Variants in TRPM3 observed in about 807,000 individuals in gnomAD.
TRPM3 encodes the protein transient receptor potential cation channel subfamily M member 3.
In TRPM3, 77 loss-of-function variants were observed where a neutral mutation model predicts 181.2. The observed-to-expected ratio is 0.42, with a 90% CI of 0.35 to 0.51. TRPM3 has a LOEUF of 0.51. Ranked by LOEUF, TRPM3 falls within the 20% of genes least tolerant of loss-of-function variation. The pLI, the probability that TRPM3 is intolerant of heterozygous loss-of-function variation, is 0.01. For synonymous variants in TRPM3, 745 were observed against 796.4 expected, an observed-to-expected ratio of 0.94 and a Z score of 1.09; for missense variants, 1,759 against 2,196.7, an observed-to-expected ratio of 0.80 and a Z score of 3.98.
intron 25 of TRPM3, among the ~76,000 whole-genome samples, chr9:70,547,999 C>T (rs1454277680): frequency 6.6e-6 from 1 of 152,172 alleles, no homozygotes; most frequent in African/African-American, 2.4e-5. Context: ...GGAGGCAAAG[C>T]CTTCCTTGCA....
chr9:70,606,624 T>TTTAA (rs2061174868), intron 19 of TRPM3, among the ~76,000 whole-genome samples: 1 of 131,056 alleles, frequency 7.6e-6, no homozygotes, highest in East Asian at 2.3e-4. Context: ...CATGACATGC[T>TTTAA]TTAATTGTGT....
intron 1 of TRPM3, among the ~76,000 whole-genome samples, chr9:71,153,158 T>C (rs368193546): frequency 8.5e-5 from 13 of 152,154 alleles, no homozygotes; most frequent in African/African-American, 3.1e-4. Flanking sequence ...ATGTACCATA[T>C]AGGGTAATAT....
intron 1 of TRPM3, among the ~76,000 whole-genome samples, chr9:71,177,123 T>A (rs1328753184): frequency 1.3e-5 from 2 of 152,124 alleles, no homozygotes; most frequent in Non-Finnish European, 2.9e-5. Context: ...GAACTGTGCA[T>A]GCGAGGGATC....
chr9:70,756,352 G>A (rs973188182), intron 8 of TRPM3, among the ~76,000 whole-genome samples: 3 of 152,002 alleles, frequency 2.0e-5, no homozygotes, highest in Non-Finnish European at 4.4e-5. Flanking sequence ...CAAGTTCTTA[G>A]AGACCTACAA....
chr9:71,251,234 G>A (rs1205534265), intron 1 of TRPM3, among the ~76,000 whole-genome samples: 1 of 152,068 alleles, frequency 6.6e-6, no homozygotes, highest in East Asian at 1.9e-4. Flanking sequence ...ATACATTCTT[G>A]TGCTCAGGAA....
intron 1 of TRPM3, among the ~76,000 whole-genome samples, chr9:71,365,192 A>C (rs17534843): frequency 0.21 from 32,177 of 152,158 alleles, 3,900 homozygotes; most frequent in Middle Eastern, 0.31. Flanking sequence ...GAATAAATGA[A>C]CAAATGAAGT....
At chr9:70,871,362 C>T (rs958559384) in intron 1 of TRPM3, among the ~76,000 whole-genome samples, 11 of 151,860 alleles carry the variant, frequency 7.2e-5, no homozygotes, top group African/African-American at 2.4e-4. Flanking sequence ...TACATGTATA[C>T]GGAGTCTTTA....
chr9:70,677,038 G>A (rs2064176406), intron 9 of TRPM3, among the ~76,000 whole-genome samples: 1 of 148,220 alleles, frequency 6.7e-6, no homozygotes, highest in Admixed American at 6.9e-5. Flanking sequence ...TCTCACACCT[G>A]GAAGCAAGTA....
chr9:71,398,752 G>A (rs1326857839), intron 1 of TRPM3, among the ~76,000 whole-genome samples: 1 of 152,088 alleles, frequency 6.6e-6, no homozygotes, highest in African/African-American at 2.4e-5. Flanking sequence ...CTTTATGGCA[G>A]TGTAAGAACA....
At chr9:71,362,528 C>T (rs1336011526) in intron 1 of TRPM3, among the ~76,000 whole-genome samples, 2 of 152,068 alleles carry the variant, frequency 1.3e-5, no homozygotes, top group Non-Finnish European at 2.9e-5. Context: ...TTACTATTAT[C>T]CAATTAAAGC....
chr9:70,777,196 T>C (rs1423157584), intron 7 of TRPM3, among the ~76,000 whole-genome samples: 2 of 152,118 alleles, frequency 1.3e-5, no homozygotes, highest in African/African-American at 2.4e-5. Flanking sequence ...TCATAAAGAA[T>C]TATGCAACTA....
intron 6 of TRPM3, among the ~76,000 whole-genome samples, chr9:70,822,372 G>C (rs966850335): frequency 1.3e-5 from 2 of 152,188 alleles, no homozygotes; most frequent in African/African-American, 4.8e-5. Flanking sequence ...CATCACTCTT[G>C]AAGTGTCTAT....
intron 1 of TRPM3, among the ~76,000 whole-genome samples, chr9:71,308,769 C>T (rs1041576357): frequency 7.0e-6 from 1 of 143,040 alleles, no homozygotes; most frequent in Non-Finnish European, 1.6e-5. Context: ...GAAATACAGG[C>T]CACAGTTGCT....
At chr9:71,037,104 T>C (rs1016071922) in intron 1 of TRPM3, among the ~76,000 whole-genome samples, 3 of 152,210 alleles carry the variant, frequency 2.0e-5, no homozygotes, top group Non-Finnish European at 2.9e-5. Flanking sequence ...ATATGAAGTG[T>C]GTGTACTATG....
chr9:70,759,268 C>A (rs930050230), intron 8 of TRPM3, among the ~76,000 whole-genome samples: 2 of 152,142 alleles, frequency 1.3e-5, no homozygotes, highest in South Asian at 4.1e-4. Context: ...AAATGCAAAT[C>A]AAAACTACAA....
chr9:70,700,916 G>T (rs1039960098), intron 8 of TRPM3, among the ~76,000 whole-genome samples: 12 of 152,202 alleles, frequency 7.9e-5, no homozygotes, highest in Admixed American at 3.9e-4. Flanking sequence ...ACTGTAGAGG[G>T]CAGGTTGTCC....
chr9:70,896,499 C>T (rs980054758), intron 1 of TRPM3, among the ~76,000 whole-genome samples: 1 of 151,850 alleles, frequency 6.6e-6, no homozygotes, highest in African/African-American at 2.4e-5. Flanking sequence ...GCAGTACAGG[C>T]GGCCACAGAA....
chr9:70,797,812 T>C (rs1218360190), intron 6 of TRPM3, among the ~76,000 whole-genome samples: 1 of 152,166 alleles, frequency 6.6e-6, no homozygotes, highest in East Asian at 1.9e-4. Flanking sequence ...GAACCTGAGA[T>C]CCCTCAGCTC....
intron 1 of TRPM3, among the ~76,000 whole-genome samples, chr9:71,187,889 TGATA>T (rs5898183): frequency 0.19 from 27,913 of 145,708 alleles, 2,705 homozygotes; most frequent in Non-Finnish European, 0.2. Flanking sequence ...GGCAGACAGA[TGATA>T]GATAGATAGA....
Sources: gnomAD v4.1 joint callset for allele counts (sites outside exome capture counted in the v4.1 genomes callset) on GRCh38, gnomAD v4.1.1 for gene constraint, MANE v1.5 for transcripts, NCBI Gene and HGNC (gene_info 2026-07-23, HGNC 2026-07-21) for gene names.